LIPI: variants seen among roughly 807,000 people sequenced by gnomAD.
LIPI encodes the protein lipase I.
Under a neutral mutation model 50.6 loss-of-function variants are expected in LIPI, and 59 were observed. The observed-to-expected ratio is 1.16, with a 90% confidence interval of 0.94 to 1.45. LIPI has a LOEUF of 1.45. Among genes scored for constraint, LIPI ranks in the 40% most tolerant of loss-of-function variants. The pLI is 0.00. For missense variants in LIPI, 586 were observed against 536.3 expected (o/e 1.09, Z -0.92); for synonymous variants, 203 against 178.2 (o/e 1.14, Z -1.11).
intron 2 of LIPI, among the ~76,000 whole-genome samples, chr21:14,188,567 CAAAA>C (rs577516831): frequency 7.6e-5 from 5 of 65,944 alleles, no homozygotes; most frequent in Admixed American, 2.2e-4. Flanking sequence ...GAACCTGTCT[CAAAA>C]AAAAAAAAAA....
At chr21:14,121,802 C>T (rs2016871797) in intron 9 of LIPI, among the ~76,000 whole-genome samples, 1 of 152,168 alleles carries the variant, frequency 6.6e-6, no homozygotes, top group African/African-American at 2.4e-5. Context: ...GATCATCCAA[C>T]TCGACTGATC....
chr21:14,163,932 A>G (rs906168000), intron 6 of LIPI, among the ~76,000 whole-genome samples: 1 of 151,420 alleles, frequency 6.6e-6, no homozygotes, highest in Admixed American at 6.6e-5. Flanking sequence ...TCCAATACGT[A>G]TAATACATAC....
intron 9 of LIPI, among the ~76,000 whole-genome samples, chr21:14,130,044 C>A (rs77373846): frequency 0.027 from 4,155 of 152,168 alleles, 182 homozygotes; most frequent in African/African-American, 0.091. Flanking sequence ...GTGGAGGAAA[C>A]ATTTTAGGAT....
chr21:14,192,538 T>C (rs1358328215), intron 1 of LIPI, among the ~76,000 whole-genome samples: 3 of 152,080 alleles, frequency 2.0e-5, no homozygotes, highest in East Asian at 1.9e-4. Flanking sequence ...AACTAATGTA[T>C]TGTCAAACTC....
chr21:14,150,897 A>G (rs1438249255), intron 8 of LIPI, among the ~76,000 whole-genome samples: 1 of 152,168 alleles, frequency 6.6e-6, no homozygotes, highest in African/African-American at 2.4e-5. Flanking sequence ...AGGAAAACGG[A>G]TAATTGTTAC....
intron 1 of LIPI, among the ~76,000 whole-genome samples, chr21:14,191,405 TA>T (rs2123291664): frequency 6.9e-6 from 1 of 144,922 alleles, no homozygotes; most frequent in East Asian, 2.0e-4. Context: ...AAAATGGAAA[TA>T]TATAAAGTAG....
At chr21:14,146,351 C>T (rs993752) in intron 8 of LIPI, among the ~76,000 whole-genome samples, 1 of 152,066 alleles carries the variant, frequency 6.6e-6, no homozygotes, top group East Asian at 1.9e-4. Context: ...GCATCACCAC[C>T]TATTACCCAA....
intron 4 of LIPI, among the ~76,000 whole-genome samples, chr21:14,176,614 T>C (rs1035053114): frequency 2.6e-5 from 4 of 151,764 alleles, no homozygotes; most frequent in Non-Finnish European, 4.4e-5. Flanking sequence ...TGTTATTTAT[T>C]TGGATTAAGT....
intron 3 of LIPI, among the ~76,000 whole-genome samples, chr21:14,185,643 C>T (rs891572517): frequency 2.6e-5 from 4 of 151,938 alleles, no homozygotes; most frequent in African/African-American, 4.8e-5. Context: ...TTTGGAAGGC[C>T]GAGGCAGGCA....
intron 9 of LIPI, among the ~76,000 whole-genome samples, chr21:14,130,341 G>C (rs9636758): frequency 0.33 from 49,738 of 150,990 alleles, 8,231 homozygotes; most frequent in East Asian, 0.45. Flanking sequence ...CTCTGTCTAA[G>C]AGAGAGAGAG....
intron 9 of LIPI, among the ~76,000 whole-genome samples, chr21:14,141,630 G>A (rs373025432): frequency 4.3e-5 from 2 of 46,036 alleles, no homozygotes; most frequent in Admixed American, 6.3e-4. Context: ...GCCTCATTTT[G>A]TTGTTGTTTT....
At chr21:14,186,464 C>T (rs1382411752) in intron 2 of LIPI, among the ~76,000 whole-genome samples, 1 of 151,988 alleles carries the variant, frequency 6.6e-6, no homozygotes, top group Admixed American at 6.6e-5. Context: ...CATTTTTATT[C>T]TAATGCCTAA....
chr21:14,205,208 T>C (rs890309360), intron 1 of LIPI, among the ~76,000 whole-genome samples: 2 of 151,944 alleles, frequency 1.3e-5, no homozygotes, highest in African/African-American at 4.8e-5. Flanking sequence ...TTTATACTCA[T>C]TGACTACTAA....
Position 14,200,492 on chromosome 21 carries a change from C to T in LIPI, c.46+10308G>A, listed in dbSNP as rs138144012. 2.3e-4 allele frequency among the ~76,000 whole-genome samples: 35 copies of T among 152,132 alleles called. No individual in the cohort carries two copies. In the East Asian group the frequency reaches 6.6e-3, roughly 29 times the overall value. On this transcript the variant is annotated intron_variant, in intron 1 of 9. Coordinates refer to ENST00000681601, the MANE Select transcript of LIPI (RefSeq NM_001302998.2). Reference sequence around the variant, plus strand: ...AGCCTAGAGCCAAATCAGGAATTAACTCTCATTCACAATTGCCACAAAAAG... The same window carrying T: ...AGCCTAGAGCCAAATCAGGAATTAATTCTCATTCACAATTGCCACAAAAAG...
At chr21:14,176,301 T>C (rs1344554493) in intron 4 of LIPI, among the ~76,000 whole-genome samples, 1 of 152,016 alleles carries the variant, frequency 6.6e-6, no homozygotes, top group East Asian at 1.9e-4. Context: ...TTTTATTCCA[T>C]TAATTTCTTT....
At chr21:14,111,781 TA>T (rs1405110771) in intron 9 of LIPI, among the ~76,000 whole-genome samples, 4 of 152,098 alleles carry the variant, frequency 2.6e-5, no homozygotes, top group Non-Finnish European at 5.9e-5. Context: ...AGGTGTGACA[TA>T]AAGGTCTAAT....
intron 7 of LIPI, among the ~76,000 whole-genome samples, chr21:14,156,480 C>A (rs908889680): frequency 4.0e-5 from 6 of 151,852 alleles, no homozygotes; most frequent in Non-Finnish European, 8.8e-5. Context: ...TATATTCTCC[C>A]CTGAGCCTCC....
At chr21:14,136,775 G>A (rs2017515511) in intron 9 of LIPI, among the ~76,000 whole-genome samples, 1 of 152,162 alleles carries the variant, frequency 6.6e-6, no homozygotes, top group African/African-American at 2.4e-5. Context: ...ACCCAGTGCT[G>A]TACTGGCTTC....
At chr21:14,143,618 AAG>A (rs2017793485) in intron 9 of LIPI, 1 of 152,284 alleles carries the variant, frequency 6.6e-6, no homozygotes, top group African/African-American at 2.4e-5. Flanking sequence ...TCAACTAAAA[AAG>A]AGAGATTCCC....
Sources: allele counts gnomAD v4.1 joint callset (sites outside exome capture counted in the v4.1 genomes callset), GRCh38; gene constraint gnomAD v4.1.1; transcripts MANE v1.5; gene names NCBI Gene and HGNC (gene_info 2026-07-23, HGNC 2026-07-21).